DCC: variants seen among roughly 807,000 people sequenced by gnomAD.
The protein encoded by DCC is DCC netrin 1 receptor, also known as netrin receptor DCC.
Under a neutral mutation model 172.5 loss-of-function variants are expected in DCC, and 58 were observed. The observed-to-expected ratio is 0.34, with a 90% CI of 0.27 to 0.42. The LOEUF is 0.42. DCC is among the 10% of genes least tolerant of loss of function. The probability of loss-of-function intolerance (pLI) is 1.00; values close to 1 mark genes in which losing one functional copy is unlikely to be tolerated. For synonymous variants in DCC, 709 were observed against 644.5 expected, an observed-to-expected ratio of 1.10 and a Z score of -1.52; for missense variants, 1,740 against 1,791.0, an observed-to-expected ratio of 0.97 and a Z score of 0.51.
intron 2 of DCC, among the ~76,000 whole-genome samples, chr18:52,867,774 G>T (rs146149418): frequency 6.6e-6 from 1 of 151,968 alleles, no homozygotes; most frequent in East Asian, 1.9e-4. Flanking sequence ...ACCCTATAGC[G>T]TTCTAAAAGA....
intron 12 of DCC, among the ~76,000 whole-genome samples, chr18:53,285,475 T>C (rs1330544027): frequency 6.6e-6 from 1 of 152,202 alleles, no homozygotes; most frequent in Non-Finnish European, 1.5e-5. Context: ...AAGTCAAGAA[T>C]TAAGGTTTGG....
chr18:52,854,873 CTG>C (rs2039028527), intron 2 of DCC, among the ~76,000 whole-genome samples: 1 of 152,158 alleles, frequency 6.6e-6, no homozygotes, highest in African/African-American at 2.4e-5. Flanking sequence ...CAAGGACTGA[CTG>C]TGTCTGTGTT....
At chr18:52,837,899 T>G (rs985765178) in intron 2 of DCC, among the ~76,000 whole-genome samples, 2 of 152,084 alleles carry the variant, frequency 1.3e-5, no homozygotes. Context: ...AAACTTACAA[T>G]CATGGCAGAA....
intron 5 of DCC, among the ~76,000 whole-genome samples, chr18:52,995,019 T>C (rs1008820190): frequency 1.3e-5 from 2 of 152,174 alleles, no homozygotes; most frequent in Non-Finnish European, 1.5e-5. Context: ...TTTTAAGATA[T>C]TAAACTCCTC....
chr18:52,868,341 A>C (rs2039262476), intron 2 of DCC, among the ~76,000 whole-genome samples: 2 of 152,122 alleles, frequency 1.3e-5, no homozygotes, highest in African/African-American at 4.8e-5. Context: ...TTTTTCCCCC[A>C]AAAAATTACT....
At chr18:53,300,994 T>TTCCTTTCTTTCTTTCTTTCTTTTCTTTTC (rs1555649245) in intron 12 of DCC, among the ~76,000 whole-genome samples, 2 of 134,610 alleles carry the variant, frequency 1.5e-5, no homozygotes, top group East Asian at 2.2e-4. Flanking sequence ...TCTTTCTTTT[T>TTCCTTTCTTTCTTTCTTTCTTTTCTTTTC]TTTTCTTTTC....
chr18:52,527,808 C>A (rs2032028391), intron 1 of DCC, among the ~76,000 whole-genome samples: 1 of 152,106 alleles, frequency 6.6e-6, no homozygotes, highest in Non-Finnish European at 1.5e-5. Context: ...AATTACTATA[C>A]CTATTTGGCA....
chr18:53,238,578 G>A (rs2056238391), intron 12 of DCC, among the ~76,000 whole-genome samples: 1 of 151,744 alleles, frequency 6.6e-6, no homozygotes, highest in Admixed American at 6.6e-5. Flanking sequence ...TAAGCCTTAT[G>A]TGTCCAAGCT....
chr18:53,059,181 C>T (rs1406468983), intron 5 of DCC, among the ~76,000 whole-genome samples: 6 of 152,114 alleles, frequency 3.9e-5, no homozygotes, highest in Non-Finnish European at 7.4e-5. Context: ...ACGAGGGTAA[C>T]TGTCTCCATG....
intron 2 of DCC, among the ~76,000 whole-genome samples, chr18:52,763,430 C>T (rs1469891204): frequency 6.6e-6 from 1 of 152,128 alleles, no homozygotes. Context: ...CAGGAGCATC[C>T]TTTGAATCCC....
At chr18:52,800,202 A>G (rs992931388) in intron 2 of DCC, among the ~76,000 whole-genome samples, 6 of 152,162 alleles carry the variant, frequency 3.9e-5, no homozygotes, top group African/African-American at 1.4e-4. Context: ...CTTCAGCAAA[A>G]TCTGTTCTGA....
At chr18:52,641,220 A>G (rs1050237842) in intron 1 of DCC, among the ~76,000 whole-genome samples, 1 of 152,226 alleles carries the variant, frequency 6.6e-6, no homozygotes, top group African/African-American at 2.4e-5. Flanking sequence ...TCAACTCAAG[A>G]TGGATTAAGA....
intron 12 of DCC, among the ~76,000 whole-genome samples, chr18:53,280,527 C>T (rs1222773683): frequency 6.6e-6 from 1 of 152,090 alleles, no homozygotes; most frequent in Non-Finnish European, 1.5e-5. Context: ...GGAGCATGCT[C>T]TGGAGTTACT....
chr18:52,883,384 GTGTGTGTGAGATC>G (rs1457474035), intron 2 of DCC, among the ~76,000 whole-genome samples: 5 of 94,320 alleles, frequency 5.3e-5, no homozygotes. Flanking sequence ...GTGTGTGTGT[GTGTGTGTGAGATC>G]TCTTTCTGTC....
chr18:52,631,434 G>T lies in DCC; in HGVS notation c.92-120620G>T, dbSNP rs529882582. ...AACGCATCACCTTGCACTGCCAGTG[G>T]TTCTTTCTTAGCTTCCAACTAATTT... On this transcript the variant is annotated intron_variant, in intron 1 of 28. Coordinates refer to ENST00000442544, the MANE Select transcript of DCC (RefSeq NM_005215.4). 9.2e-5 allele frequency among the ~76,000 whole-genome samples: 14 copies of T among 152,320 alleles called. No homozygotes were observed. In the South Asian group the frequency reaches 2.9e-3, roughly 32 times the overall value.
chr18:52,464,814 G>A (rs1182137794), intron 1 of DCC, among the ~76,000 whole-genome samples: 1 of 151,902 alleles, frequency 6.6e-6, no homozygotes, highest in African/African-American at 2.4e-5. Flanking sequence ...GCCATGTAAA[G>A]CGACTTTTTC....
chr18:52,912,697 A>G lies in DCC; in HGVS notation c.697+6369A>G, dbSNP rs2039987967. Among the ~76,000 whole-genome samples the G allele has an allele frequency of 1.3e-5, 2 of 152,070 alleles. 1 individual carries two copies. Among genetic ancestry groups the G allele is most frequent in the South Asian group, 4.1e-4 (2 of 4,824 alleles). ...TGATAGTGTTTGATCTTCATTACCCATGAACAATTCTAATCCTCTCAAACC... is the reference window on the plus strand; with the variant it reads ...TGATAGTGTTTGATCTTCATTACCCGTGAACAATTCTAATCCTCTCAAACC... On this transcript the variant is annotated intron_variant, in intron 3 of 28. Transcript: ENST00000442544.
chr18:53,239,567 C>G lies in DCC; in HGVS notation c.1911+23970C>G, dbSNP rs551473087. Among the ~76,000 whole-genome samples the G allele has an allele frequency of 3.9e-5, 6 of 152,278 alleles. No individual in the cohort carries two copies. In the East Asian group the frequency reaches 1.2e-3, roughly 29 times the overall value. On this transcript the variant is annotated intron_variant, in intron 12 of 28. Transcript: ENST00000442544. The stretch of plus-strand genomic sequence containing the variant: ...GAGAACGCACCCAGAGAAAGGTGCA[C>G]AGGGGCTTACATCACTGGGCCCTTT...
chr18:52,564,575 A>T (rs2144746168), intron 1 of DCC, among the ~76,000 whole-genome samples: 1 of 151,082 alleles, frequency 6.6e-6, no homozygotes, highest in African/African-American at 2.4e-5. Context: ...AAGTAACTTC[A>T]GTAATAGAAG....
Sources: allele counts gnomAD v4.1 joint callset (sites outside exome capture counted in the v4.1 genomes callset), GRCh38; gene constraint gnomAD v4.1.1; transcripts MANE v1.5; gene names NCBI Gene and HGNC (gene_info 2026-07-23, HGNC 2026-07-21).